The following ACTN2 variants were observed in gnomAD, a reference collection of about 807,000 sequenced individuals.
ACTN2 encodes actinin alpha 2.
In ACTN2, 39 loss-of-function variants were observed where a neutral mutation model predicts 113.8. That is an observed-to-expected ratio of 0.34 (90% CI 0.27 to 0.45). ACTN2 has a LOEUF of 0.45. Ranked by LOEUF, ACTN2 falls within the 20% of genes least tolerant of loss-of-function variation. The pLI, the probability that ACTN2 is intolerant of heterozygous loss-of-function variation, is 1.00. For missense variants in ACTN2, 992 were observed against 1,177.9 expected (o/e 0.84, Z 2.31); for synonymous variants, 429 against 444.1 (o/e 0.97, Z 0.43).
intron 1 of ACTN2, among the ~76,000 whole-genome samples, chr1:236,717,431 C>A (rs1354056917): frequency 6.6e-6 from 1 of 152,110 alleles, no homozygotes; most frequent in African/African-American, 2.4e-5. Flanking sequence ...AGCTGGATGA[C>A]CCTGTCTCCA....
At chr1:236,745,970 T>G (rs148247929) in intron 12 of ACTN2, among the ~76,000 whole-genome samples, 1 of 151,938 alleles carries the variant, frequency 6.6e-6, no homozygotes, top group Non-Finnish European at 1.5e-5. Context: ...AAGACCATCC[T>G]GGCTAACACG....
At chr1:236,727,075 T>TG (rs1658573380) in intron 5 of ACTN2, among the ~76,000 whole-genome samples, 1 of 152,184 alleles carries the variant, frequency 6.6e-6, no homozygotes, top group Non-Finnish European at 1.5e-5. Flanking sequence ...CCCTTGTCTA[T>TG]GGGGCATTTA....
chr1:236,724,283 A>C (rs907550981), intron 4 of ACTN2, among the ~76,000 whole-genome samples: 7 of 152,146 alleles, frequency 4.6e-5, no homozygotes, highest in Admixed American at 1.3e-4. Context: ...TCGTGACCTC[A>C]TCTCACCCTA....
At chr1:236,733,465 A>G (rs1238750180) in intron 7 of ACTN2, among the ~76,000 whole-genome samples, 1 of 152,184 alleles carries the variant, frequency 6.6e-6, no homozygotes, top group Admixed American at 6.5e-5. Context: ...GGGGTGTGTT[A>G]GCACTGTGTT....
At chr1:236,691,931 G>C (rs756520022) in intron 1 of ACTN2, among the ~76,000 whole-genome samples, 1 of 152,212 alleles carries the variant, frequency 6.6e-6, no homozygotes, top group East Asian at 1.9e-4. Flanking sequence ...TTGGATCCAC[G>C]AAAAAGGGCC....
chr1:236,739,001 C>T (rs182193679), intron 9 of ACTN2, among the ~76,000 whole-genome samples: 3 of 152,238 alleles, frequency 2.0e-5, no homozygotes, highest in East Asian at 3.9e-4. Flanking sequence ...AAGCTCCATC[C>T]AGCATTTGTC....
chr1:236,740,120 T>A (rs554590218), intron 10 of ACTN2, among the ~76,000 whole-genome samples: 10 of 145,124 alleles, frequency 6.9e-5, no homozygotes, highest in African/African-American at 2.5e-4. Context: ...ACTCACTCAC[T>A]TTTTTTTTTT....
At chr1:236,693,349 G>A (rs1352204519) in intron 1 of ACTN2, among the ~76,000 whole-genome samples, 1 of 152,178 alleles carries the variant, frequency 6.6e-6, no homozygotes, top group African/African-American at 2.4e-5. Flanking sequence ...CTAGGGACCA[G>A]CAGAGAGAGT....
In ACTN2 at chr1:236,739,547, C is replaced by T. The variant is rs1392352816; in HGVS notation, c.1107+15C>T. On this transcript the variant is annotated intron_variant, in intron 10 of 20. Transcript: ENST00000366578. ...AGATGGTGTCGGTGAGTAGCAAGCG[C>T]CAAGCCCTCCTGGCGCCACGGGAAG... 1 of 1,613,532 alleles carries T rather than the reference C, an allele frequency of 6.2e-7. No individual in the cohort carries two copies. Among genetic ancestry groups the T allele is most frequent in the Non-Finnish European group, 8.5e-7 (1 of 1,179,644 alleles).
At chr1:236,727,840 G>A in intron 6 of ACTN2, 84 bp downstream of exon 6, 1 of 1,365,848 alleles carries the variant, frequency 7.3e-7, no homozygotes, top group Non-Finnish European at 1.0e-6. Flanking sequence ...CACTAGCCTA[G>A]CACAAACCCC....
chr1:236,725,789 C>A, intron 4 of ACTN2, 144 bp from the exon 5 acceptor site: 1 of 770,910 alleles, frequency 1.3e-6, no homozygotes, highest in Non-Finnish European at 2.4e-6. Flanking sequence ...GATCAGGGTT[C>A]TGGCTCCTAT....
intron 10 of ACTN2, among the ~76,000 whole-genome samples, chr1:236,741,704 C>T (rs770000112): frequency 3.3e-5 from 5 of 152,212 alleles, no homozygotes; most frequent in Non-Finnish European, 5.9e-5. Flanking sequence ...CCACCATTCT[C>T]TCTCCTTGGA....
chr1:236,725,993 A>T lies in ACTN2; in HGVS notation c.509A>T (p.Asn170Ile), dbSNP rs1057523249. 2 of 1,614,194 alleles carry T rather than the reference A, an allele frequency of 1.2e-6. No homozygotes were observed. Among genetic ancestry groups the T allele is most frequent in the South Asian group, 2.2e-5 (2 of 91,082 alleles). Residue 170 changes from asparagine (N) to isoleucine (I), a missense_variant, in exon 5 of 21, where the codon AAT becomes ATT. Coordinates refer to ENST00000366578, the MANE Select transcript of ACTN2 (RefSeq NM_001103.4). The stretch of plus-strand genomic sequence containing the variant: ...CAGAGGAAAACTGCTCCTTATAGAA[A>T]TGTGAACATTCAGAACTTCCATACT... ...WCQRKTAPYR[N>I]VNIQNFHTSW...
intron 12 of ACTN2, 45 bp from the exon 13 acceptor site, chr1:236,747,622 C>T: frequency 2.6e-6 from 4 of 1,539,440 alleles, no homozygotes; most frequent in South Asian, 1.1e-5. Flanking sequence ...CATTTTCTCT[C>T]ATCATCTGGG....
intron 1 of ACTN2, among the ~76,000 whole-genome samples, chr1:236,712,947 T>C (rs1224211323): frequency 6.6e-6 from 1 of 151,862 alleles, no homozygotes; most frequent in Admixed American, 6.6e-5. Context: ...CAACCTACTA[T>C]TCTTTTGTGC....
At chr1:236,705,124 G>A (rs1292517143) in intron 1 of ACTN2, among the ~76,000 whole-genome samples, 1 of 152,124 alleles carries the variant, frequency 6.6e-6, no homozygotes. Context: ...TAGCATGACA[G>A]CAAAAGACTG....
At position 236,755,010 on chromosome 1, in the gene ACTN2, C is replaced by CT. The variant is rs1483444767; in HGVS notation, c.1975-9_1975-8insT. On this transcript the variant is annotated splice_polypyrimidine_tract_variant and intron_variant, in intron 16 of 20. Transcript: ENST00000366578. ...CTTCTCTCTCTGCTTGCTCACTCGC[C>CT]CCCCTCAGGAGATTGCCCGGAGCTC... 6.2e-7 allele frequency: 1 copy of CT among 1,614,046 alleles called. No individual in the cohort carries two copies. Among genetic ancestry groups the CT allele is most frequent in the Non-Finnish European group, 8.5e-7 (1 of 1,180,046 alleles).
chr1:236,761,336 C>T (rs753385505), intron 20 of ACTN2, among the ~76,000 whole-genome samples, 163 bp downstream of exon 20: 8 of 152,206 alleles, frequency 5.3e-5, no homozygotes, highest in East Asian at 1.9e-4. Context: ...AACAATGGCG[C>T]GCCCAGCACA....
At chr1:236,751,369 C>A in intron 14 of ACTN2, 101 bp from the exon 15 acceptor site, 5 of 1,386,182 alleles carry the variant, frequency 3.6e-6, no homozygotes, top group Non-Finnish European at 5.0e-6. Context: ...GAGACTCTTG[C>A]AATCATCAAG....
Sources: gnomAD v4.1 joint callset for allele counts (sites outside exome capture counted in the v4.1 genomes callset) on GRCh38, gnomAD v4.1.1 for gene constraint, MANE v1.5 for transcripts, NCBI Gene and HGNC (gene_info 2026-07-23, HGNC 2026-07-21) for gene names.